FOXP2: variants seen among roughly 807,000 people sequenced by gnomAD.
The protein encoded by FOXP2 is forkhead box P2.
In FOXP2, 12 loss-of-function variants were observed where a neutral mutation model predicts 115.8. That is an observed-to-expected ratio of 0.10 (90% confidence interval 0.07 to 0.17). The LOEUF is 0.17. FOXP2 is among the 10% of genes least tolerant of loss of function. The pLI, the probability that FOXP2 is intolerant of heterozygous loss-of-function variation, is 1.00. For missense variants in FOXP2, 629 were observed against 843.5 expected, an observed-to-expected ratio of 0.75 and a Z score of 3.15; for synonymous variants, 328 against 297.7, an observed-to-expected ratio of 1.10 and a Z score of -1.05.
chr7:114,385,960 C>T (rs1004576113), intron 2 of FOXP2, among the ~76,000 whole-genome samples: 4 of 152,284 alleles, frequency 2.6e-5, no homozygotes, highest in South Asian at 2.1e-4. Flanking sequence ...TATTAGAAGC[C>T]GTGGGTCACG....
At chr7:114,366,570 A>G (rs555689477) in intron 2 of FOXP2, 9 of 152,186 alleles carry the variant, frequency 5.9e-5, no homozygotes, top group Non-Finnish European at 1.2e-4. Flanking sequence ...GCTTTAAATA[A>G]ATCAAAACAA....
At chr7:114,363,273 T>C (rs1034544355) in intron 2 of FOXP2, among the ~76,000 whole-genome samples, 1 of 152,070 alleles carries the variant, frequency 6.6e-6, no homozygotes, top group Non-Finnish European at 1.5e-5. Context: ...TTAATTACAA[T>C]GAAAGATAAA....
At chr7:114,559,477 A>C (rs1800644972) in intron 3 of FOXP2, among the ~76,000 whole-genome samples, 1 of 152,196 alleles carries the variant, frequency 6.6e-6, no homozygotes, top group Non-Finnish European at 1.5e-5. Context: ...GCCAGCTATG[A>C]TAGCAGCTTT....
chr7:114,510,013 G>A (rs2129260716), intron 2 of FOXP2, among the ~76,000 whole-genome samples: 1 of 152,256 alleles, frequency 6.6e-6, no homozygotes, highest in South Asian at 2.1e-4. Context: ...AGTGTACACA[G>A]TGATAAGAAA....
At position 114,436,809 on chromosome 7, in the gene FOXP2, G is replaced by A. The variant is rs756496608; in HGVS notation, c.168+10130G>A. Among the ~76,000 whole-genome samples the A allele has an allele frequency of 6.7e-4, 102 of 152,022 alleles. 1 individual carries two copies. The highest frequency in any genetic ancestry group is 1.6e-3 in the East Asian group (8 of 5,152). On this transcript the variant is annotated intron_variant, in intron 2 of 16. Transcript: ENST00000350908. ...GAGGGGGTGGTCAAAAAAGGCTGGAGGATTTGAAGAATGAGTAGAAGTTAG... is the reference window on the plus strand; with the variant it reads ...GAGGGGGTGGTCAAAAAAGGCTGGAAGATTTGAAGAATGAGTAGAAGTTAG...
At chr7:114,585,423 C>T (rs1484116398) in intron 3 of FOXP2, among the ~76,000 whole-genome samples, 1 of 152,110 alleles carries the variant, frequency 6.6e-6, no homozygotes, top group Non-Finnish European at 1.5e-5. Flanking sequence ...TATGGGCCAA[C>T]CAAATCTCCT....
intron 1 of FOXP2, among the ~76,000 whole-genome samples, chr7:114,155,901 G>A (rs1434779031): frequency 2.6e-5 from 4 of 152,094 alleles, no homozygotes; most frequent in African/African-American, 4.8e-5. Context: ...GCATGTTTCT[G>A]GGGGGTTGCA....
intron 3 of FOXP2, among the ~76,000 whole-genome samples, chr7:114,542,716 T>G (rs1021582420): frequency 1.3e-5 from 2 of 152,164 alleles, no homozygotes; most frequent in African/African-American, 4.8e-5. Flanking sequence ...ATTTTAGTAA[T>G]GCTGAATTTG....
intron 3 of FOXP2, among the ~76,000 whole-genome samples, chr7:114,617,243 C>T (rs909143198): frequency 5.9e-5 from 9 of 152,296 alleles, no homozygotes; most frequent in Middle Eastern, 3.4e-3. Flanking sequence ...ATGAGACTGT[C>T]GTCTTTTCAG....
intron 2 of FOXP2, among the ~76,000 whole-genome samples, chr7:114,455,752 T>A (rs1795288449): frequency 6.6e-6 from 1 of 152,170 alleles, no homozygotes; most frequent in Admixed American, 6.5e-5. Flanking sequence ...TCACGTAAAA[T>A]GAATCTGACC....
At chr7:114,487,206 T>A (rs189294704) in intron 2 of FOXP2, among the ~76,000 whole-genome samples, 1 of 152,256 alleles carries the variant, frequency 6.6e-6, no homozygotes, top group Admixed American at 6.5e-5. Context: ...TTGACTTCTG[T>A]GCCCCAACAG....
intron 3 of FOXP2, among the ~76,000 whole-genome samples, chr7:114,550,655 TTTCTGGTTCC>T: frequency 6.6e-6 from 1 of 152,314 alleles, no homozygotes. Context: ...ACTCTAGTGA[TTTCTGGTTCC>T]TTGAGGGCAT....
chr7:114,207,864 A>C (rs1794239745), intron 1 of FOXP2, among the ~76,000 whole-genome samples: 1 of 152,232 alleles, frequency 6.6e-6, no homozygotes, highest in South Asian at 2.1e-4. Flanking sequence ...TGCCATGATT[A>C]AAAATAACTG....
intron 1 of FOXP2, among the ~76,000 whole-genome samples, chr7:114,156,622 A>G (rs1018237106): frequency 1.3e-5 from 2 of 152,162 alleles, no homozygotes; most frequent in East Asian, 1.9e-4. Flanking sequence ...CCTCAAATGT[A>G]TAAAACCAAG....
intron 3 of FOXP2, among the ~76,000 whole-genome samples, chr7:114,549,854 A>G (rs931701759): frequency 9.2e-5 from 14 of 152,182 alleles, no homozygotes; most frequent in Non-Finnish European, 8.8e-5. Context: ...AACAAATAAA[A>G]TAGGCCAATA....
intron 1 of FOXP2, among the ~76,000 whole-genome samples, chr7:114,121,034 G>A (rs368025762): frequency 3.9e-5 from 6 of 152,112 alleles, no homozygotes; most frequent in East Asian, 1.9e-4. Context: ...AGCATATTTG[G>A]GGTATGATGA....
intron 1 of FOXP2, among the ~76,000 whole-genome samples, chr7:114,418,635 T>C (rs1458154910): frequency 1.3e-5 from 2 of 151,720 alleles, no homozygotes; most frequent in Non-Finnish European, 2.9e-5. Flanking sequence ...GCTATTGTAG[T>C]GTTTTAAAGA....
intron 3 of FOXP2, among the ~76,000 whole-genome samples, chr7:114,573,165 G>T (rs1419367852): frequency 6.6e-6 from 1 of 151,772 alleles, no homozygotes; most frequent in Non-Finnish European, 1.5e-5. Context: ...CTTGGTCATT[G>T]AGTGACTTTA....
chr7:114,192,319 C>A (rs760348038), intron 1 of FOXP2, among the ~76,000 whole-genome samples: 2 of 152,082 alleles, frequency 1.3e-5, no homozygotes, highest in Admixed American at 6.6e-5. Flanking sequence ...TAGATCACTT[C>A]TTTTTATTGT....
Sources: allele counts gnomAD v4.1 joint callset (sites outside exome capture counted in the v4.1 genomes callset), GRCh38; gene constraint gnomAD v4.1.1; transcripts MANE v1.5; gene names NCBI Gene and HGNC (gene_info 2026-07-23, HGNC 2026-07-21).